EVI5: variants seen among roughly 807,000 people sequenced by gnomAD.
The protein encoded by EVI5 is ecotropic viral integration site 5.
A neutral mutation model predicts 112.0 loss-of-function variants in EVI5; 73 were observed. That is an observed-to-expected ratio of 0.65 (90% CI 0.54 to 0.79). EVI5 has a LOEUF of 0.79. Ranked by LOEUF, EVI5 falls within the 30% of genes least tolerant of loss-of-function variation. The probability of loss-of-function intolerance (pLI) is 0.00; values close to 1 mark genes in which losing one functional copy is unlikely to be tolerated. For missense variants in EVI5, 900 were observed against 968.8 expected, an observed-to-expected ratio of 0.93 and a Z score of 0.94; for synonymous variants, 305 against 319.9, an observed-to-expected ratio of 0.95 and a Z score of 0.50.
At chr1:92,552,509 T>C (rs1473198290) in intron 19 of EVI5, among the ~76,000 whole-genome samples, 2 of 152,192 alleles carry the variant, frequency 1.3e-5, no homozygotes, top group Admixed American at 6.5e-5. Flanking sequence ...ACTCTTCTCA[T>C]TGTGTCTAGG....
At chr1:92,710,769 A>G (rs1049503000) in intron 2 of EVI5, among the ~76,000 whole-genome samples, 1 of 152,074 alleles carries the variant, frequency 6.6e-6, no homozygotes, top group African/African-American at 2.4e-5. Flanking sequence ...GGGGGTGCCA[A>G]TATACCAACT....
rs369768260 is a variant in EVI5 at position 92,524,113 on chromosome 1, A to G, written c.2167-10143T>C. Among the ~76,000 whole-genome samples the G allele has an allele frequency of 8.6e-5, 13 of 151,378 alleles. No homozygotes were observed. The East Asian group carries it at 9.7e-4, about 11-fold the overall frequency. Reference sequence around the variant, plus strand: ...CTCCATCTAAAAAAAAATAAAAGAAAAAAAAAAAAGAAACTGCCTGGGTTT... The same window carrying G: ...CTCCATCTAAAAAAAAATAAAAGAAGAAAAAAAAAGAAACTGCCTGGGTTT... On this transcript the variant is annotated intron_variant, in intron 19 of 19. Coordinates refer to ENST00000684568, the MANE Select transcript of EVI5 (RefSeq NM_001350197.2).
chr1:92,752,171 T>C (rs892828039), intron 1 of EVI5, among the ~76,000 whole-genome samples: 2 of 152,072 alleles, frequency 1.3e-5, no homozygotes, highest in Non-Finnish European at 2.9e-5. Context: ...CCTTAGCCCC[T>C]TAGTTGTGAA....
intron 1 of EVI5, 90 bp downstream of exon 1, chr1:92,784,746 C>T (rs893100781): frequency 1.1e-6 from 1 of 922,414 alleles, no homozygotes; most frequent in Non-Finnish European, 1.3e-6. Context: ...CCCCGCCCGC[C>T]GCGCCTCGGC....
chr1:92,576,251 T>C (rs1378235196), intron 18 of EVI5, among the ~76,000 whole-genome samples: 4 of 152,234 alleles, frequency 2.6e-5, no homozygotes, highest in African/African-American at 7.2e-5. Flanking sequence ...TGTGTACATA[T>C]GTATATTAGT....
chr1:92,617,432 T>TGTGA (rs1357334686), intron 16 of EVI5, among the ~76,000 whole-genome samples: 2 of 152,212 alleles, frequency 1.3e-5, no homozygotes, highest in Non-Finnish European at 2.9e-5. Flanking sequence ...TTGTATCCCA[T>TGTGA]GTGAGTGCTC....
chr1:92,662,717 AC>A lies in EVI5; in HGVS notation c.1392+1del. The A allele has an allele frequency of 8.0e-7, 1 of 1,256,252 alleles. No homozygotes were observed. The highest frequency in any genetic ancestry group is 1.3e-5 in the South Asian group (1 of 75,496). The allele number at this position is 1,256,252 out of a possible 1,614,324, so 77.8% of individuals were successfully genotyped here. On this transcript the variant is annotated splice_donor_variant, in intron 13 of 19. Transcript: ENST00000684568. LOFTEE classifies it high-confidence loss of function. ...TGAGAAAAGCACTACCAGACTCCTT[AC>A]CCATTGTTGTTGGTGCTGGAGCTTC... is the stretch of plus-strand genomic sequence containing the variant.
At chr1:92,780,731 G>A (rs573382644) in intron 1 of EVI5, among the ~76,000 whole-genome samples, 3 of 151,970 alleles carry the variant, frequency 2.0e-5, no homozygotes, top group Non-Finnish European at 2.9e-5. Flanking sequence ...ATCTTGGCCC[G>A]GTGCAGTGGG....
intron 2 of EVI5, chr1:92,713,914 G>T: frequency 2.0e-6 from 1 of 489,540 alleles, no homozygotes; most frequent in Non-Finnish European, 2.7e-6. Context: ...TTTAAACCAC[G>T]CAAATAATGG....
At chr1:92,702,950 G>T (rs1450990856) in intron 4 of EVI5, among the ~76,000 whole-genome samples, 1 of 152,154 alleles carries the variant, frequency 6.6e-6, no homozygotes, top group Non-Finnish European at 1.5e-5. Flanking sequence ...AAGTAACTGT[G>T]GGAAGGGAAA....
At chr1:92,602,295 A>C (rs1301768384) in intron 18 of EVI5, among the ~76,000 whole-genome samples, 1 of 152,242 alleles carries the variant, frequency 6.6e-6, no homozygotes, top group East Asian at 1.9e-4. Context: ...GAAAGACATA[A>C]GATTTTAAAC....
intron 2 of EVI5, among the ~76,000 whole-genome samples, chr1:92,711,145 G>C (rs191218150): frequency 1.8e-3 from 277 of 152,230 alleles, no homozygotes; most frequent in African/African-American, 6.4e-3. Flanking sequence ...GAAAATACAA[G>C]GGAGGAAAGG....
intron 14 of EVI5, among the ~76,000 whole-genome samples, chr1:92,629,663 TTTC>T (rs1193978738): frequency 6.6e-6 from 1 of 150,768 alleles, no homozygotes; most frequent in Non-Finnish European, 1.5e-5. Flanking sequence ...TTTCTTTTTT[TTTC>T]TTTTTTTCTT....
intron 2 of EVI5, among the ~76,000 whole-genome samples, chr1:92,726,028 G>T (rs1032544454): frequency 6.6e-6 from 1 of 152,108 alleles, no homozygotes; most frequent in Non-Finnish European, 1.5e-5. Context: ...ATTTGAATAC[G>T]TAGCAACTTT....
chr1:92,626,923 T>C (rs1320648899), intron 14 of EVI5, among the ~76,000 whole-genome samples: 1 of 152,234 alleles, frequency 6.6e-6, no homozygotes, highest in African/African-American at 2.4e-5. Context: ...ACTATTTACA[T>C]CAACAGTCAA....
At chr1:92,781,462 G>C (rs938025344) in intron 1 of EVI5, among the ~76,000 whole-genome samples, 2 of 151,098 alleles carry the variant, frequency 1.3e-5, no homozygotes, top group Non-Finnish European at 2.9e-5. Flanking sequence ...GCAGTGTTCT[G>C]AGACTGCACC....
intron 2 of EVI5, among the ~76,000 whole-genome samples, chr1:92,735,657 T>TC (rs59508665): frequency 0.14 from 418 of 3,076 alleles, 2 homozygotes; most frequent in Middle Eastern, 0.25. Flanking sequence ...TATATAATTA[T>TC]ATAATTCAAC....
At chr1:92,690,904 T>C (rs2097838) in intron 9 of EVI5, among the ~76,000 whole-genome samples, 140,262 of 152,240 alleles carry the variant, frequency 0.92, 64,697 homozygotes, top group East Asian at 0.97. Flanking sequence ...AGTATTCTTG[T>C]CAGAAATGTT....
At chr1:92,521,539 A>C (rs900053384) in intron 19 of EVI5, among the ~76,000 whole-genome samples, 1 of 152,054 alleles carries the variant, frequency 6.6e-6, no homozygotes, top group African/African-American at 2.4e-5. Context: ...AAAAATACAA[A>C]AATTAGCCAG....
Sources: gnomAD v4.1 joint callset for allele counts (sites outside exome capture counted in the v4.1 genomes callset) on GRCh38, gnomAD v4.1.1 for gene constraint, MANE v1.5 for transcripts, NCBI Gene and HGNC (gene_info 2026-07-23, HGNC 2026-07-21) for gene names.